DLGAP2: variants seen among roughly 807,000 people sequenced by gnomAD.
The protein encoded by DLGAP2 is disks large-associated protein 2.
In DLGAP2, 26 loss-of-function variants were observed where a neutral mutation model predicts 100.3. The ratio of observed to expected loss-of-function variants is 0.26; its 90% CI spans 0.19 to 0.36. The LOEUF (loss-of-function observed/expected upper bound fraction) is 0.36, where lower values mean the gene tolerates loss of function less well. Among genes scored for constraint, DLGAP2 ranks in the 10% least tolerant of loss-of-function variants. The pLI, the probability that DLGAP2 is intolerant of heterozygous loss-of-function variation, is 1.00. For missense variants in DLGAP2, 1,858 were observed against 1,453.2 expected (o/e 1.28, Z -4.53); for synonymous variants, 886 against 630.1 (o/e 1.41, Z -6.08).
At chr8:1,214,540 G>T (rs1798173204) in intron 2 of DLGAP2, among the ~76,000 whole-genome samples, 1 of 152,222 alleles carries the variant, frequency 6.6e-6, no homozygotes, top group Non-Finnish European at 1.5e-5. Flanking sequence ...CCGGAAGTCA[G>T]ATCCCAGGAG....
At chr8:795,465 C>G (rs891243029) in intron 1 of DLGAP2, among the ~76,000 whole-genome samples, 10 of 152,180 alleles carry the variant, frequency 6.6e-5, no homozygotes, top group Non-Finnish European at 1.3e-4. Flanking sequence ...AAATCACCCA[C>G]AAAAAGCATG....
intron 8 of DLGAP2, among the ~76,000 whole-genome samples, chr8:1,661,630 G>C (rs1290620945): frequency 6.6e-6 from 1 of 152,202 alleles, no homozygotes; most frequent in Non-Finnish European, 1.5e-5. Context: ...AGCAGATGAT[G>C]GGTTGGGCAG....
rs76804645 is a variant in DLGAP2, at chr8:875,884, A to C, written c.19-32028A>C. On this transcript the variant is annotated intron_variant, in intron 1 of 14. Transcript: ENST00000637795. Reference sequence around the variant, plus strand: ...AGACTTATGCTGGCATAATTCTAGTAATAAATAGAAGCATTACTTCTATGT... The same window carrying C: ...AGACTTATGCTGGCATAATTCTAGTCATAAATAGAAGCATTACTTCTATGT... 6.4e-4 allele frequency among the ~76,000 whole-genome samples: 97 copies of C among 152,298 alleles called. No homozygotes were observed. The East Asian group carries it at 0.01, about 16-fold the overall frequency.
intron 2 of DLGAP2, among the ~76,000 whole-genome samples, chr8:1,077,363 C>G (rs150743190): frequency 2.0e-4 from 31 of 152,322 alleles, no homozygotes; most frequent in African/African-American, 7.2e-4. Flanking sequence ...TTAGTAAACA[C>G]TCAGCTCGTC....
chr8:1,438,919 C>G (rs544831731), intron 3 of DLGAP2, among the ~76,000 whole-genome samples: 5 of 152,058 alleles, frequency 3.3e-5, no homozygotes, highest in African/African-American at 1.2e-4. Flanking sequence ...GAAAAAAGCA[C>G]GTTCACAATT....
chr8:1,507,073 C>G (rs1799946116), intron 4 of DLGAP2, among the ~76,000 whole-genome samples: 1 of 152,254 alleles, frequency 6.6e-6, no homozygotes, highest in African/African-American at 2.4e-5. Context: ...TTCTCCAAGT[C>G]CCCACCGGAC....
chr8:1,520,936 C>T (rs552505342), intron 4 of DLGAP2, among the ~76,000 whole-genome samples: 5 of 152,314 alleles, frequency 3.3e-5, no homozygotes, highest in African/African-American at 9.6e-5. Flanking sequence ...ACGAAACTGT[C>T]TTCCAAAGTG....
At chr8:1,011,705 A>G (rs539956048) in intron 2 of DLGAP2, among the ~76,000 whole-genome samples, 80 of 138,840 alleles carry the variant, frequency 5.8e-4, no homozygotes, top group African/African-American at 2.1e-3. Flanking sequence ...TGGAATGAGG[A>G]GTCTCAGTCT....
intron 4 of DLGAP2, among the ~76,000 whole-genome samples, chr8:1,522,009 C>G (rs966658947): frequency 3.5e-5 from 5 of 143,180 alleles, no homozygotes; most frequent in African/African-American, 1.1e-4. Flanking sequence ...ATTTGGAATA[C>G]TCGGGGGCAG....
At chr8:808,382 T>G (rs538288024) in intron 1 of DLGAP2, among the ~76,000 whole-genome samples, 1 of 152,164 alleles carries the variant, frequency 6.6e-6, no homozygotes, top group African/African-American at 2.4e-5. Context: ...TTTCCTTTGA[T>G]GATCAGAGTC....
chr8:1,000,624 C>G (rs1800927941), intron 2 of DLGAP2, among the ~76,000 whole-genome samples: 1 of 152,154 alleles, frequency 6.6e-6, no homozygotes. Flanking sequence ...TTTTGTTATC[C>G]TAATTGCTCT....
chr8:961,173 T>C (rs1005569738), intron 2 of DLGAP2, among the ~76,000 whole-genome samples: 1 of 152,252 alleles, frequency 6.6e-6, no homozygotes, highest in Admixed American at 6.5e-5. Context: ...TACATACTTC[T>C]TCATATGTGG....
At chr8:969,783 C>G (rs1402210760) in intron 2 of DLGAP2, among the ~76,000 whole-genome samples, 1 of 152,104 alleles carries the variant, frequency 6.6e-6, no homozygotes, top group Non-Finnish European at 1.5e-5. Context: ...TGGGAATCAG[C>G]AGATATTTTG....
At chr8:1,064,709 C>T (rs1370751683) in intron 2 of DLGAP2, among the ~76,000 whole-genome samples, 2 of 152,198 alleles carry the variant, frequency 1.3e-5, no homozygotes, top group Non-Finnish European at 2.9e-5. Flanking sequence ...ACGTAGTCAA[C>T]ACATAAAAAT....
chr8:868,040 ATACT>A (rs1281132984), intron 1 of DLGAP2, among the ~76,000 whole-genome samples: 4 of 152,214 alleles, frequency 2.6e-5, no homozygotes, highest in African/African-American at 9.7e-5. Flanking sequence ...AAAATGTATG[ATACT>A]TACAAATTAT....
chr8:1,581,789 G>A (rs889670671), intron 6 of DLGAP2, among the ~76,000 whole-genome samples: 1 of 149,984 alleles, frequency 6.7e-6, no homozygotes, highest in Non-Finnish European at 1.5e-5. Flanking sequence ...GAACGATACA[G>A]ACAAACCCCC....
intron 2 of DLGAP2, among the ~76,000 whole-genome samples, chr8:1,174,707 TCACCATCAC>T (rs1797216499): frequency 7.6e-6 from 1 of 132,288 alleles, no homozygotes; most frequent in African/African-American, 4.1e-5. Context: ...ACCACCACTA[TCACCATCAC>T]CACCATCATT....
At chr8:1,369,729 C>G (rs1411294899) in intron 3 of DLGAP2, 4 of 152,314 alleles carry the variant, frequency 2.6e-5, no homozygotes, top group Non-Finnish European at 4.4e-5. Flanking sequence ...CTAGCCCTGC[C>G]AAGTCCTGCA....
At chr8:1,339,708 G>A (rs769803985) in intron 3 of DLGAP2, among the ~76,000 whole-genome samples, 5 of 152,314 alleles carry the variant, frequency 3.3e-5, no homozygotes, top group Middle Eastern at 6.8e-3. Context: ...TCTCAGAGGC[G>A]AAGTCTCACC....
Sources: gnomAD v4.1 joint callset for allele counts (sites outside exome capture counted in the v4.1 genomes callset) on GRCh38, gnomAD v4.1.1 for gene constraint, MANE v1.5 for transcripts, NCBI Gene and HGNC (gene_info 2026-07-23, HGNC 2026-07-21) for gene names.